CNOT3: variants seen among roughly 807,000 people sequenced by gnomAD.
CNOT3 encodes the protein CCR4-associated factor 3.
In CNOT3, 2 loss-of-function variants were observed where a neutral mutation model predicts 89.4. The observed-to-expected ratio is 0.02, with a 90% CI of 0.01 to 0.07. The LOEUF (loss-of-function observed/expected upper bound fraction) is 0.07. Among genes scored for constraint, CNOT3 ranks in the 10% least tolerant of loss-of-function variants. The pLI is 1.00. For missense variants in CNOT3, 664 were observed against 1,010.2 expected (o/e 0.66, Z 4.65); for synonymous variants, 486 against 402.0 (o/e 1.21, Z -2.50).
Position 54,145,936 on chromosome 19 carries a change from C to T in CNOT3, c.730C>T (p.Pro244Ser), listed in dbSNP as rs769899630. The T allele has an allele frequency of 5.0e-6, 8 of 1,613,824 alleles. No homozygotes were observed. The highest frequency in any genetic ancestry group is 3.3e-5 in the Admixed American group (2 of 59,994). Residue 244 changes from proline to serine, a missense_variant, in exon 9 of 18, where the codon CCC becomes TCC. By Grantham distance (74) the Pro-to-Ser change is moderately conservative. Coordinates refer to ENST00000221232, the MANE Select transcript of CNOT3 (RefSeq NM_014516.4). This position sits in a 1 kb window ranked among gnomAD's most constrained non-coding sequence, Gnocchi z 5.9. ...ACAGGCGCTGGTCGCCACCTCCCCCCCCAGCCACAGCCACATGGAGGATGA... is the reference window on the plus strand; with the variant it reads ...ACAGGCGCTGGTCGCCACCTCCCCCTCCAGCCACAGCCACATGGAGGATGA... ...IPQALVATSP[P>S]SHSHMEDEIF...
chr19:54,153,453 T>C (rs2075251186), intron 16 of CNOT3: 1 of 774,292 alleles, frequency 1.3e-6, no homozygotes. Context: ...AATTGCCTCC[T>C]CTCTCAGCTC....
At chr19:54,154,320 G>A (rs2075304324) in intron 17 of CNOT3, 2 of 307,782 alleles carry the variant, frequency 6.5e-6, no homozygotes, top group South Asian at 5.6e-5. Flanking sequence ...AATTCCTGCT[G>A]CTTGCAAACA....
Position 54,145,799 on chromosome 19 carries a change from C to G in CNOT3, c.685C>G (p.Leu229Val). The G allele has an allele frequency of 1.9e-6, 3 of 1,612,490 alleles. No individual in the cohort carries two copies. The highest frequency in any genetic ancestry group is 2.5e-6 in the Non-Finnish European group (3 of 1,178,598). ...FEENEFLYDD[L>V]DLEDIPQALV... ...GGAGAACGAGTTTCTCTACGATGAC[C>G]TGGACCTCGAGGACATTCGTGAGGC... The change falls in exon 8 of 18, where the codon CTG (leucine) becomes GTG (valine). Residue 229 changes from leucine to valine, a missense_variant. Around this residue, in one of 8 missense-constraint regions of CNOT3, gnomAD observed 25 missense variants for 69.0 expected, o/e 0.36. Transcript: ENST00000221232. The surrounding 1 kb of genome is among the most constrained non-coding windows in gnomAD (Gnocchi z 5.9).
At chr19:54,142,095 G>A (rs2074472870) in intron 1 of CNOT3, 1 of 152,018 alleles carries the variant, frequency 6.6e-6, no homozygotes, top group Non-Finnish European at 1.5e-5. Flanking sequence ...ACTTGCTATG[G>A]GATTCCTCCG....
Position 54,148,447 on chromosome 19 carries a change from C to CGGA in CNOT3, c.1197_1199dup (p.Gly402dup), listed in dbSNP as rs1373626999. The stretch of plus-strand genomic sequence containing the variant: ...CCCCCAGCGTCCAGCCTAGCGGAGG[C>CGGA]GGAGGCGGCGGCAGCGGAGGCGGAG... On this transcript the variant is annotated inframe_insertion, in exon 11 of 18. Transcript: ENST00000221232. The surrounding 1 kb of genome is among the most constrained non-coding windows in gnomAD (Gnocchi z 6.3). 1 of 1,566,698 alleles carries CGGA rather than the reference C, an allele frequency of 6.4e-7. No homozygotes were observed. The highest frequency in any genetic ancestry group is 8.7e-7 in the Non-Finnish European group (1 of 1,154,278).
intron 16 of CNOT3, 158 bp from the exon 17 acceptor site, chr19:54,153,557 T>C: frequency 1.3e-6 from 1 of 780,310 alleles, no homozygotes. Context: ...AGCATTGGTA[T>C]GTTCTGTGCC....
Position 54,148,814 on chromosome 19 carries a change from C to T in CNOT3, c.1406+71C>T. On this transcript the variant is annotated intron_variant, in intron 12 of 17. Coordinates refer to ENST00000221232, the MANE Select transcript of CNOT3 (RefSeq NM_014516.4). The surrounding 1 kb of genome is among the most constrained non-coding windows in gnomAD (Gnocchi z 6.3). ...AACAGAGAGGCGCAGGCGCCTCACC[C>T]CCGCATCGGTGGGTTCTGAACCCCC... 1.8e-5 allele frequency: 27 copies of T among 1,495,866 alleles called. No homozygotes were observed. The highest frequency in any genetic ancestry group is 2.4e-5 in the Non-Finnish European group (26 of 1,102,822). The allele number at this position is 1,495,866 out of a possible 1,614,324, so 92.7% of individuals were successfully genotyped here.
chr19:54,149,712 C>A lies in CNOT3; in HGVS notation c.1559C>A (p.Ala520Asp). The A allele has an allele frequency of 6.2e-7, 1 of 1,613,902 alleles. No individual in the cohort carries two copies. Among genetic ancestry groups the A allele is most frequent in the Non-Finnish European group, 8.5e-7 (1 of 1,179,918 alleles). ...PSFSDAKAAG[A>D]LLNGPPQFST... is the part of the protein sequence containing the mutation. ...TTCAGTGATGCCAAGGCAGCCGGTG[C>A]CCTGCTCAATGGGCCTCCACAGTTC... Residue 520 changes from alanine to aspartate, a missense_variant, in exon 13 of 18, where the codon GCC becomes GAC. By Grantham distance (126) the Ala-to-Asp change is moderately radical. Transcript: ENST00000221232.
In CNOT3 at chr19:54,152,475, C is replaced by T; in HGVS notation, c.1753C>T (p.Pro585Ser). 6.2e-7 allele frequency: 1 copy of T among 1,614,226 alleles called. No homozygotes were observed. The highest frequency in any genetic ancestry group is 8.5e-7 in the Non-Finnish European group (1 of 1,180,036). ...TSAPPASAQP[P>S]LQLSEVNIPL... ...AGCACCTCCGGCCTCAGCCCAGCCG[C>T]CCCTGCAGCTGTCAGAGGTGAACAT... The change falls in exon 15 of 18, where the codon CCC becomes TCC. Residue 585 changes from proline (P) to serine (S), a missense_variant. This residue lies in a region of CNOT3 where 545 missense variants were observed against 566.2 expected (regional missense o/e 0.96). Transcript: ENST00000221232.
rs780047052 is a variant in CNOT3 at position 54,146,026 on chromosome 19, C to G, written c.820C>G (p.Pro274Ala). 1 of 1,613,382 alleles carries G rather than the reference C, an allele frequency of 6.2e-7. No individual in the cohort carries two copies. The highest frequency in any genetic ancestry group is 8.5e-7 in the Non-Finnish European group (1 of 1,179,560). The change falls in exon 9 of 18, where the codon CCA (proline) becomes GCA (alanine). Residue 274 changes from proline (P) to alanine (A), a missense_variant. This residue lies in a region of CNOT3 where 545 missense variants were observed against 566.2 expected (regional missense o/e 0.96). Transcript: ENST00000221232. The part of the protein sequence containing the change: ...TTSSSPIPPS[P>A]ANCTTENSED... ...CTCCAGCTCTCCCATCCCGCCCAGC[C>G]CAGCCAACTGTACCACGGTGAGGCC...
chr19:54,152,394 CACT>C (rs2075169659), intron 14 of CNOT3, 31 bp from the exon 15 acceptor site: 20 of 1,613,716 alleles, frequency 1.2e-5, no homozygotes, highest in African/African-American at 1.3e-5. Context: ...CCATCCTCAC[CACT>C]GAGGGGGCCG....
At position 54,142,969 on chromosome 19, in the gene CNOT3, G is replaced by A. The variant is rs2074513667; in HGVS notation, c.-10G>A. 1.2e-6 allele frequency: 2 copies of A among 1,613,942 alleles called. No homozygotes were observed. Among genetic ancestry groups the A allele is most frequent in the South Asian group, 2.2e-5 (2 of 91,080 alleles). On this transcript the variant is annotated 5_prime_UTR_variant, in exon 2 of 18. Coordinates refer to ENST00000221232, the MANE Select transcript of CNOT3 (RefSeq NM_014516.4). ...GAGTATGAAGAGAGTGCGTCTGTAG[G>A]GCAGGGAAGATGGCGGACAAGCGCA...
intron 16 of CNOT3, chr19:54,153,333 G>C: frequency 3.9e-6 from 3 of 761,548 alleles, no homozygotes; most frequent in Non-Finnish European, 7.2e-6. Flanking sequence ...TCTGCTCATT[G>C]GCACATTCTC....
Position 54,144,143 on chromosome 19 carries a change from G to C in CNOT3, c.387+9G>C. 1 of 1,607,880 alleles carries C rather than the reference G, an allele frequency of 6.2e-7. No individual in the cohort carries two copies. The highest frequency in any genetic ancestry group is 1.3e-5 in the African/African-American group (1 of 74,822). On this transcript the variant is annotated intron_variant, in intron 6 of 17. Coordinates refer to ENST00000221232, the MANE Select transcript of CNOT3 (RefSeq NM_014516.4). The surrounding 1 kb of genome is among the most constrained non-coding windows in gnomAD (Gnocchi z 4.8). The stretch of plus-strand genomic sequence containing the variant: ...TTGGCCAGTGGCTCACGGTGAGTTG[G>C]GGTAGAGAAGAGGAGGTGAACTCTG...
intron 9 of CNOT3, 26 bp downstream of exon 9, chr19:54,146,069 C>G (rs763757928): frequency 7.5e-6 from 12 of 1,609,854 alleles, no homozygotes; most frequent in Non-Finnish European, 8.5e-6. Context: ...ACACTAGTAC[C>G]TTGTGTTTCC....
chr19:54,139,121 C>T (rs964003273), intron 1 of CNOT3, among the ~76,000 whole-genome samples: 1 of 152,216 alleles, frequency 6.6e-6, no homozygotes, highest in Non-Finnish European at 1.5e-5. Flanking sequence ...GCCCCTCTTT[C>T]TGAGCAGTCC....
In CNOT3 at chr19:54,144,774, G is replaced by C. The variant is rs1200026521; in HGVS notation, c.483+442G>C. 6.6e-6 allele frequency among the ~76,000 whole-genome samples: 1 copy of C among 152,186 alleles called. No homozygotes were observed. Among genetic ancestry groups the C allele is most frequent in the Non-Finnish European group, 1.5e-5 (1 of 68,022 alleles). ...GAACCAGGCCTGAAGGAAGACAGGA[G>C]TCTGGGACAAAGCTGGATGTTGGGG... On this transcript the variant is annotated intron_variant, in intron 7 of 17. Transcript: ENST00000221232. The surrounding 1 kb of genome is among the most constrained non-coding windows in gnomAD (Gnocchi z 4.8).
rs1200727808 is a variant in CNOT3 at position 54,143,346 on chromosome 19, G to GGT, written c.94-95_94-94insTG. On this transcript the variant is annotated intron_variant, in intron 3 of 17. Transcript: ENST00000221232. ...AGATGGATTGGGGGTAGGGGTTGGGGGGGGTCCTCGAGTCCCTAGCATAAG... is the reference window on the plus strand; with the variant it reads ...AGATGGATTGGGGGTAGGGGTTGGGGGTGGGGTCCTCGAGTCCCTAGCATAAG... 356 of 1,356,834 alleles carry GGT rather than the reference G, an allele frequency of 2.6e-4. 3 individuals carry two copies. The highest frequency in any genetic ancestry group is 5.9e-4 in the Admixed American group (35 of 59,414). 84.0% of individuals were successfully genotyped at this position (1,356,834 alleles called of 1,614,324 possible). A position where few individuals can be genotyped will look rare whatever the true frequency, so the allele number is the denominator to read the frequency against.
chr19:54,142,451 C>CACACACACACACACACACACACACAG (rs71195730), intron 1 of CNOT3: 2 of 239,728 alleles, frequency 8.3e-6, no homozygotes, highest in African/African-American at 4.5e-5. Flanking sequence ...CACACACACA[C>CACACACACACACACACACACACACAG]GCCCTTCTCT....
Sources: gnomAD v4.1 joint callset for allele counts (sites outside exome capture counted in the v4.1 genomes callset) on GRCh38, gnomAD v4.1.1 for gene constraint, gnomAD v4.1.1 regional missense constraint, Gnocchi (gnomAD v3.1) non-coding constraint, MANE v1.5 for transcripts, NCBI Gene and HGNC (gene_info 2026-07-23, HGNC 2026-07-21) for gene names.